Variants in RAB11FIP4 observed in about 807,000 individuals in gnomAD.
The protein encoded by RAB11FIP4 is rab11 family-interacting protein 4.
A neutral mutation model predicts 74.3 loss-of-function variants in RAB11FIP4; 23 were observed. That is an observed-to-expected ratio of 0.31 (90% CI 0.22 to 0.44). The LOEUF is 0.44. Among genes scored for constraint, RAB11FIP4 ranks in the 20% least tolerant of loss-of-function variants. The pLI is 1.00. For missense variants in RAB11FIP4, 630 were observed against 863.9 expected (o/e 0.73, Z 3.39); for synonymous variants, 360 against 359.9 (o/e 1.00, Z 0.00).
At chr17:31,517,183 A>T in intron 3 of RAB11FIP4, among the ~76,000 whole-genome samples, 1 of 9,214 alleles carries the variant, frequency 1.1e-4, no homozygotes, top group African/African-American at 4.5e-4. Flanking sequence ...GGGGGCGAGG[A>T]GGCGGTGCGG....
Position 31,531,785 on chromosome 17 carries a change from C to T in RAB11FIP4, c.*53C>T. 1.7e-5 allele frequency: 21 copies of T among 1,222,340 alleles called. No individual in the cohort carries two copies. Among genetic ancestry groups the T allele is most frequent in the Non-Finnish European group, 2.4e-5 (20 of 828,838 alleles). 75.7% of individuals were successfully genotyped at this position (1,222,340 alleles called of 1,614,324 possible). On this transcript the variant is annotated 3_prime_UTR_variant, in exon 15 of 15. Coordinates refer to ENST00000621161, the MANE Select transcript of RAB11FIP4 (RefSeq NM_032932.6). The stretch of plus-strand genomic sequence containing the variant: ...TAGGACCCTGGGACCAAGGGCAGAC[C>T]CTGCCCAAGGATGCAGGCCTAAGCC...
At chr17:31,509,173 T>C (rs569033605) in intron 3 of RAB11FIP4, 1 of 152,668 alleles carries the variant, frequency 6.6e-6, no homozygotes, top group East Asian at 1.9e-4. Flanking sequence ...GCCCAGGAGT[T>C]TGAAACCAGC....
chr17:31,523,229 C>T (rs1406775008), intron 7 of RAB11FIP4: 3 of 476,640 alleles, frequency 6.3e-6, no homozygotes, highest in Non-Finnish European at 1.2e-5. Context: ...TAGCTGCAGG[C>T]CAGCATGCTG....
chr17:31,505,579 A>G (rs2072319984), intron 3 of RAB11FIP4, among the ~76,000 whole-genome samples: 1 of 69,328 alleles, frequency 1.4e-5, no homozygotes, highest in South Asian at 3.4e-4. Context: ...ATAATAATAT[A>G]TAATAATAAT....
At chr17:31,441,720 G>T (rs1321400367) in intron 3 of RAB11FIP4, among the ~76,000 whole-genome samples, 1 of 151,616 alleles carries the variant, frequency 6.6e-6, no homozygotes, top group Non-Finnish European at 1.5e-5. Flanking sequence ...TAGAGACGGG[G>T]TTTCACTATG....
chr17:31,517,572 A>AT, intron 3 of RAB11FIP4, 79 bp from the exon 4 acceptor site: 2 of 1,376,538 alleles, frequency 1.5e-6, no homozygotes, highest in South Asian at 1.3e-5. Flanking sequence ...GGCCTGGCTG[A>AT]TGCCCTTGTG....
intron 4 of RAB11FIP4, chr17:31,518,413 G>GT (rs954878399): frequency 6.8e-6 from 1 of 146,892 alleles, no homozygotes; most frequent in African/African-American, 2.5e-5. Context: ...GATCAGCTTT[G>GT]TTAAAAACAC....
rs183063139 is a variant in RAB11FIP4, at chr17:31,403,005, T to C, written c.159+10994T>C. On this transcript the variant is annotated intron_variant, in intron 1 of 14. Coordinates refer to ENST00000621161, the MANE Select transcript of RAB11FIP4 (RefSeq NM_032932.6). Reference sequence around the variant, plus strand: ...AAAATAGAGGTCATACCCCTATTTGTGGCACTGTTGTGATGGTTGGAGATT... The same window carrying C: ...AAAATAGAGGTCATACCCCTATTTGCGGCACTGTTGTGATGGTTGGAGATT... 2.4e-3 allele frequency among the ~76,000 whole-genome samples: 369 copies of C among 152,234 alleles called. 2 individuals carry two copies. Among genetic ancestry groups the C allele is most frequent in the Admixed American group, 8.0e-3 (122 of 15,280 alleles).
At chr17:31,486,638 G>A (rs2071905859) in intron 3 of RAB11FIP4, among the ~76,000 whole-genome samples, 1 of 152,196 alleles carries the variant, frequency 6.6e-6, no homozygotes, top group Non-Finnish European at 1.5e-5. Flanking sequence ...TGTGGGAGCG[G>A]ACCCAAACAA....
At chr17:31,528,335 A>C in intron 11 of RAB11FIP4, 71 bp from the exon 12 acceptor site, 1 of 1,533,950 alleles carries the variant, frequency 6.5e-7, no homozygotes, top group Non-Finnish European at 8.7e-7. Flanking sequence ...ACCAGACCCC[A>C]GGGACACCCC....
At chr17:31,478,258 G>T (rs2071814247) in intron 3 of RAB11FIP4, among the ~76,000 whole-genome samples, 1 of 152,152 alleles carries the variant, frequency 6.6e-6, no homozygotes, top group Non-Finnish European at 1.5e-5. Flanking sequence ...CTCCCAAAGT[G>T]CTGGGATTAC....
At chr17:31,505,036 T>C (rs2072290905) in intron 3 of RAB11FIP4, among the ~76,000 whole-genome samples, 1 of 152,178 alleles carries the variant, frequency 6.6e-6, no homozygotes, top group East Asian at 1.9e-4. Flanking sequence ...TTGAATTGAG[T>C]TAAATACTTA....
rs1242257839 is a variant in RAB11FIP4, at chr17:31,523,616, G to T, written c.1029+5G>T. Reference sequence around the variant, plus strand: ...GACAATGACATCACAGAGAAGGTGGGCCTTGGGTGGCTGGAGAAGGGACTG... The same window carrying T: ...GACAATGACATCACAGAGAAGGTGGTCCTTGGGTGGCTGGAGAAGGGACTG... On this transcript the variant is annotated splice_donor_5th_base_variant and intron_variant, in intron 8 of 14. Transcript: ENST00000621161. 1.2e-6 allele frequency: 2 copies of T among 1,612,536 alleles called. No individual in the cohort carries two copies. Among genetic ancestry groups the T allele is most frequent in the Admixed American group, 3.3e-5 (2 of 60,030 alleles).
intron 1 of RAB11FIP4, among the ~76,000 whole-genome samples, chr17:31,425,971 C>A (rs1439271521): frequency 6.6e-6 from 1 of 152,244 alleles, no homozygotes; most frequent in Non-Finnish European, 1.5e-5. Context: ...TGGGACCTCG[C>A]TTCACCAACT....
At chr17:31,493,775 C>G (rs535725801) in intron 3 of RAB11FIP4, among the ~76,000 whole-genome samples, 2 of 152,250 alleles carry the variant, frequency 1.3e-5, no homozygotes, top group Admixed American at 6.5e-5. Context: ...CCTGGCCTCA[C>G]TCTTCACTCC....
intron 3 of RAB11FIP4, among the ~76,000 whole-genome samples, chr17:31,470,361 A>T (rs989319644): frequency 6.6e-6 from 1 of 152,138 alleles, no homozygotes; most frequent in African/African-American, 2.4e-5. Context: ...TCTTCCTGGA[A>T]GGGTGATTGA....
At chr17:31,461,016 A>G (rs562084291) in intron 3 of RAB11FIP4, among the ~76,000 whole-genome samples, 4 of 150,582 alleles carry the variant, frequency 2.7e-5, no homozygotes, top group African/African-American at 9.8e-5. Flanking sequence ...TCCCCTGTCC[A>G]CCAACTCTCA....
chr17:31,433,998 C>A (rs200345178), intron 2 of RAB11FIP4, 36 bp from the exon 3 acceptor site: 2 of 1,546,352 alleles, frequency 1.3e-6, no homozygotes, highest in South Asian at 2.3e-5. Context: ...TGAGGCTCAA[C>A]CCCTCACTGT....
At chr17:31,396,318 T>A (rs768748582) in intron 1 of RAB11FIP4, among the ~76,000 whole-genome samples, 1 of 152,180 alleles carries the variant, frequency 6.6e-6, no homozygotes, top group Non-Finnish European at 1.5e-5. Context: ...TGTAACATGA[T>A]GGCTCAACAT....
Sources: allele counts gnomAD v4.1 joint callset (sites outside exome capture counted in the v4.1 genomes callset), GRCh38; gene constraint gnomAD v4.1.1; transcripts MANE v1.5; gene names NCBI Gene and HGNC (gene_info 2026-07-23, HGNC 2026-07-21).